The following CORO6 variants were observed in gnomAD, a reference collection of about 807,000 sequenced individuals.
The protein encoded by CORO6 is coronin 6, also known as coronin-6.
In CORO6, 43 loss-of-function variants were observed where a neutral mutation model predicts 49.0. The observed-to-expected ratio is 0.88, with a 90% CI of 0.69 to 1.13. The LOEUF (loss-of-function observed/expected upper bound fraction) is 1.13, where lower values mean the gene tolerates loss of function less well. CORO6 is among the 50% of genes most tolerant of loss of function. The probability of loss-of-function intolerance (pLI) is 0.00; values close to 1 mark genes in which losing one functional copy is unlikely to be tolerated. For missense variants in CORO6, 650 were observed against 647.0 expected (o/e 1.00, Z -0.05); for synonymous variants, 233 against 256.5 (o/e 0.91, Z 0.88).
chr17:29,617,757 G>A, intron 5 of CORO6, 138 bp from the exon 6 acceptor site: 1 of 954,148 alleles, frequency 1.0e-6, no homozygotes, highest in Non-Finnish European at 1.5e-6. Context: ...TGGGGCCTAA[G>A]CACTCAGCTT....
intron 2 of CORO6, among the ~76,000 whole-genome samples, chr17:29,620,161 G>C (rs1199707184): frequency 6.6e-6 from 1 of 152,238 alleles, no homozygotes; most frequent in Non-Finnish European, 1.5e-5. Flanking sequence ...TAATAGTGTA[G>C]TGCTGGACAG....
intron 5 of CORO6, chr17:29,618,522 C>T (rs1006124704): frequency 1.8e-5 from 24 of 1,340,750 alleles, no homozygotes; most frequent in Non-Finnish European, 2.3e-5. Context: ...CTTCTCCCCT[C>T]CTCAATCCCA....
At chr17:29,618,294 G>A (rs537727247) in intron 5 of CORO6, 1 of 1,296,634 alleles carries the variant, frequency 7.7e-7, no homozygotes, top group Admixed American at 3.8e-5. Context: ...AGGCTGGCGA[G>A]GCCAGGGCCG....
At chr17:29,619,796 G>A (rs201995220) in intron 2 of CORO6, 23 bp from the exon 3 acceptor site, 1 of 1,599,470 alleles carries the variant, frequency 6.3e-7, no homozygotes, top group African/African-American at 1.3e-5. Context: ...AGAAGAAGAT[G>A]TGGGGCTACT....
At chr17:29,617,181 C>T in intron 6 of CORO6, 139 bp from the exon 7 acceptor site, 1 of 1,541,982 alleles carries the variant, frequency 6.5e-7, no homozygotes, top group Non-Finnish European at 8.7e-7. Flanking sequence ...GCAGGCCCCT[C>T]CCCTGGGCAC....
At chr17:29,619,538 C>A in intron 3 of CORO6, 113 bp downstream of exon 3, 1 of 1,074,188 alleles carries the variant, frequency 9.3e-7, no homozygotes, top group South Asian at 1.4e-5. Flanking sequence ...AGGGCAGGGC[C>A]CTGGGACCCA....
chr17:29,622,615 C>T, intron 1 of CORO6, 73 bp downstream of exon 1: 1 of 892,392 alleles, frequency 1.1e-6, no homozygotes, highest in Non-Finnish European at 1.4e-6. Flanking sequence ...GGAGGAGGCG[C>T]AGACCTCTGC....
Position 29,616,885 on chromosome 17 carries a change from G to A in CORO6, c.859-38C>T. The A allele has an allele frequency of 6.2e-7, 1 of 1,613,204 alleles. No individual in the cohort carries two copies. The highest frequency in any genetic ancestry group is 8.5e-7 in the Non-Finnish European group (1 of 1,179,698). ...TCGGTTCAGGGGCGCGCCCGGACAA[G>A]GCCCTCCACATCTCCATCCAGTGCC... On this transcript the variant is annotated intron_variant, in intron 7 of 10. Coordinates refer to ENST00000388767, the MANE Select transcript of CORO6 (RefSeq NM_032854.4). The surrounding 1 kb of genome is among the most constrained non-coding windows in gnomAD (Gnocchi z 5.6).
At chr17:29,618,536 C>G in intron 5 of CORO6, 1 of 1,352,742 alleles carries the variant, frequency 7.4e-7, no homozygotes, top group Non-Finnish European at 9.5e-7. Flanking sequence ...AATCCCAAAG[C>G]GAGGAGCCCT....
chr17:29,616,707 G>C lies in CORO6; in HGVS notation c.999C>G (p.Ile333Met), dbSNP rs1013675744. ...KRGLDVSKCE[I>M]ARFYKLHERK... ...GAGGGGCCAAGGCTGCTGACCGGGC[G>C]ATCTCACACTTGCTGACATCCAGTC... The change falls in exon 8 of 11, where the codon ATC (isoleucine) becomes ATG (methionine). Residue 333 changes from isoleucine (I) to methionine (M), a missense_variant. Coordinates refer to ENST00000388767, the MANE Select transcript of CORO6 (RefSeq NM_032854.4). This position sits in a 1 kb window ranked among gnomAD's most constrained non-coding sequence, Gnocchi z 5.6. 1 of 1,611,814 alleles carries C rather than the reference G, an allele frequency of 6.2e-7. No homozygotes were observed.
In CORO6 at chr17:29,616,222, C is replaced by T; in HGVS notation, c.1063-47G>A. On this transcript the variant is annotated intron_variant, in intron 9 of 10. Coordinates refer to ENST00000388767, the MANE Select transcript of CORO6 (RefSeq NM_032854.4). The surrounding 1 kb of genome is among the most constrained non-coding windows in gnomAD (Gnocchi z 5.6). ...AGGACTTGCGTGAGAGGGTGCGGGGCTTGCTCCGCTCCCTTCCGCCTCGTA... is the reference window on the plus strand; with the variant it reads ...AGGACTTGCGTGAGAGGGTGCGGGGTTTGCTCCGCTCCCTTCCGCCTCGTA... 6.2e-7 allele frequency: 1 copy of T among 1,610,374 alleles called. No individual in the cohort carries two copies. Among genetic ancestry groups the T allele is most frequent in the East Asian group, 2.2e-5 (1 of 44,816 alleles).
At position 29,617,617 on chromosome 17, in the gene CORO6, C is replaced by A. The variant is rs749244425; in HGVS notation, c.636G>T (p.Glu212Asp). 6.3e-7 allele frequency: 1 copy of A among 1,593,758 alleles called. No homozygotes were observed. Among genetic ancestry groups the A allele is most frequent in the East Asian group, 2.3e-5 (1 of 44,140 alleles). ...TCATCCCCTCGTGGGCCGCAAACCT[C>A]TCCTGGGGGGAGGGGGAGACAGGGA... Reference protein sequence around the residue: ...IDPRKGQVVAERFAAHEGMRP... With the variant: ...IDPRKGQVVADRFAAHEGMRP... The change falls in exon 6 of 11, where the codon GAG (glutamate) becomes GAT (aspartate). Residue 212 changes from glutamate (E) to aspartate (D), a missense_variant and splice_region_variant. Physicochemically the swap from Glu to Asp is conservative, Grantham distance 45. Transcript: ENST00000388767.
rs1383858411 is a variant in CORO6, at chr17:29,622,823, G to A, written c.-199C>T. ...TGTCTGTAGTATCTGGGACCCGGGT[G>A]TCCAGCTCCGCACTCTGGCCGATCC... On this transcript the variant is annotated 5_prime_UTR_variant, in exon 1 of 11. Transcript: ENST00000388767. 7.6e-7 allele frequency: 1 copy of A among 1,308,108 alleles called. No homozygotes were observed. Among genetic ancestry groups the A allele is most frequent in the South Asian group, 1.2e-5 (1 of 81,224 alleles). 81.0% of individuals were successfully genotyped at this position (1,308,108 alleles called of 1,614,324 possible).
chr17:29,616,702 C>G lies in CORO6; in HGVS notation c.1004G>C (p.Arg335Pro). The change falls in exon 8 of 11, where the codon CGG becomes CCG. Residue 335 changes from arginine to proline, a missense_variant and splice_region_variant. Coordinates refer to ENST00000388767, the MANE Select transcript of CORO6 (RefSeq NM_032854.4). This position sits in a 1 kb window ranked among gnomAD's most constrained non-coding sequence, Gnocchi z 5.6. ...TTCAGGAGGGGCCAAGGCTGCTGACCGGGCGATCTCACACTTGCTGACATC... is the reference window on the plus strand; with the variant it reads ...TTCAGGAGGGGCCAAGGCTGCTGACGGGGCGATCTCACACTTGCTGACATC... ...GLDVSKCEIA[R>P]FYKLHERKCE... is the part of the protein sequence containing the mutation. The G allele has an allele frequency of 1.2e-6, 2 of 1,611,516 alleles. No individual in the cohort carries two copies. The highest frequency in any genetic ancestry group is 1.7e-6 in the Non-Finnish European group (2 of 1,178,074).
Position 29,615,937 on chromosome 17 carries a change from G to T in CORO6, c.1293+8C>A, listed in dbSNP as rs1214495636. On this transcript the variant is annotated splice_region_variant and intron_variant, in intron 10 of 10. Coordinates refer to ENST00000388767, the MANE Select transcript of CORO6 (RefSeq NM_032854.4). Reference sequence around the variant, plus strand: ...GATTGGGCCAGAGTGCAGCAGGGCCGATCTTACCGACAAGGGGGCGTCGCT... The same window carrying T: ...GATTGGGCCAGAGTGCAGCAGGGCCTATCTTACCGACAAGGGGGCGTCGCT... 2 of 1,577,788 alleles carry T rather than the reference G, an allele frequency of 1.3e-6. No homozygotes were observed. Among genetic ancestry groups the T allele is most frequent in the Admixed American group, 1.8e-5 (1 of 56,402 alleles).
chr17:29,619,194 G>T lies in CORO6; in HGVS notation c.322-5C>A. ...ATAGTCTGGAATCTGCCACACCTGG[G>T]TAGGAAGAAAAGGTATATGGTGGGT... On this transcript the variant is annotated splice_region_variant and splice_polypyrimidine_tract_variant and intron_variant, in intron 3 of 10. Transcript: ENST00000388767. The T allele has an allele frequency of 6.2e-7, 1 of 1,613,320 alleles. No homozygotes were observed. The highest frequency in any genetic ancestry group is 8.5e-7 in the Non-Finnish European group (1 of 1,179,848).
chr17:29,622,749 GC>G lies in CORO6; in HGVS notation c.-126del, dbSNP rs1168667588. The G allele has an allele frequency of 7.6e-7, 1 of 1,320,460 alleles. No homozygotes were observed. The highest frequency in any genetic ancestry group is 5.2e-5 in the East Asian group (1 of 19,238). 81.8% of individuals were successfully genotyped at this position (1,320,460 alleles called of 1,614,324 possible). The stretch of plus-strand genomic sequence containing the variant: ...AATCCTCTGCGGAAGGGGCCCGAGT[GC>G]GTAGGGGGCCGAGGAAGGCTTCAGG... On this transcript the variant is annotated 5_prime_UTR_variant, in exon 1 of 11. The change creates a premature stop within an existing upstream ORF in the 5' untranslated region. Transcript: ENST00000388767.
intron 5 of CORO6, chr17:29,618,334 A>G: frequency 7.7e-7 from 1 of 1,294,714 alleles, no homozygotes; most frequent in South Asian, 2.5e-5. Context: ...GGCTGGGATA[A>G]GCAACGCGCG....
rs2034758083 is a variant in CORO6, at chr17:29,614,778, C to G, written c.*954G>C. The G allele has an allele frequency of 6.6e-6, 1 of 152,546 alleles. No individual in the cohort carries two copies. The highest frequency in any genetic ancestry group is 2.4e-5 in the African/African-American group (1 of 41,450). The allele number at this position is 152,546 out of a possible 1,614,324, so 9.4% of individuals were successfully genotyped here. On this transcript the variant is annotated 3_prime_UTR_variant, in exon 11 of 11. Transcript: ENST00000388767. ...CATACCGGAGGCTTTTGCTACCTAA[C>G]TTTACTTGGGGGGAACGCCTACGGT...
Sources: gnomAD v4.1 joint callset for allele counts (sites outside exome capture counted in the v4.1 genomes callset) on GRCh38, gnomAD v4.1.1 for gene constraint, Gnocchi (gnomAD v3.1) non-coding constraint, MANE v1.5 for transcripts, NCBI Gene and HGNC (gene_info 2026-07-23, HGNC 2026-07-21) for gene names.